The following SMYD3 variants were observed in gnomAD, a reference collection of about 807,000 sequenced individuals.
The protein encoded by SMYD3 is SET and MYND domain containing 3.
A neutral mutation model predicts 57.7 loss-of-function variants in SMYD3; 36 were observed. The ratio of observed to expected loss-of-function variants is 0.62; its 90% CI spans 0.48 to 0.82. The LOEUF (loss-of-function observed/expected upper bound fraction) is 0.82. SMYD3 is among the 40% of genes least tolerant of loss of function. The pLI, the probability that SMYD3 is intolerant of heterozygous loss-of-function variation, is 0.00. For missense variants in SMYD3, 515 were observed against 538.8 expected, an observed-to-expected ratio of 0.96 and a Z score of 0.44; for synonymous variants, 211 against 195.0, an observed-to-expected ratio of 1.08 and a Z score of -0.68.
intron 5 of SMYD3, among the ~76,000 whole-genome samples, chr1:246,227,627 G>A (rs1216768841): frequency 2.0e-5 from 3 of 151,772 alleles, no homozygotes; most frequent in Non-Finnish European, 2.9e-5. Flanking sequence ...AAAAAAAGAA[G>A]AGAAGAAAGA....
chr1:245,857,753 C>T (rs2051325385), intron 10 of SMYD3, among the ~76,000 whole-genome samples: 1 of 152,178 alleles, frequency 6.6e-6, no homozygotes, highest in African/African-American at 2.4e-5. Context: ...TGCTCTCCGT[C>T]TCACCTTCTA....
At chr1:246,500,541 G>A (rs752724825) in intron 1 of SMYD3, among the ~76,000 whole-genome samples, 5 of 152,138 alleles carry the variant, frequency 3.3e-5, no homozygotes, top group African/African-American at 9.7e-5. Flanking sequence ...ATAATAACCC[G>A]ACACAAGGTG....
intron 10 of SMYD3, among the ~76,000 whole-genome samples, chr1:245,799,485 C>T (rs984721446): frequency 6.6e-6 from 1 of 152,264 alleles, no homozygotes; most frequent in Non-Finnish European, 1.5e-5. Flanking sequence ...TAAATGAACA[C>T]TAAATGGACT....
At chr1:246,137,151 T>C (rs547720970) in intron 5 of SMYD3, among the ~76,000 whole-genome samples, 27 of 152,304 alleles carry the variant, frequency 1.8e-4, no homozygotes, top group African/African-American at 6.3e-4. Context: ...TTCTAAAGTA[T>C]ACAATTCAGT....
Position 245,803,913 on chromosome 1 carries a change from A to G in SMYD3, c.1077-39764T>C, listed in dbSNP as rs1297455374. Among the ~76,000 whole-genome samples, 22 of 73,366 alleles carry G rather than the reference A, an allele frequency of 3.0e-4. 3 individuals are homozygous for G. The South Asian group carries it at 6.6e-3, about 22-fold the overall frequency. 48.1% of individuals were successfully genotyped at this position (73,366 alleles called of 152,430 possible). A position where few individuals can be genotyped will look rare whatever the true frequency, so the allele number is the denominator to read the frequency against. On this transcript the variant is annotated intron_variant, in intron 10 of 11. Coordinates refer to ENST00000490107, the MANE Select transcript of SMYD3 (RefSeq NM_001167740.2). The stretch of plus-strand genomic sequence containing the variant: ...GGACTTTCCAGTTACGTAAGTCAGT[A>G]TTTTTTTTTTTTTTTTTTGAGACAG...
At chr1:246,225,035 G>C (rs2063307919) in intron 5 of SMYD3, among the ~76,000 whole-genome samples, 1 of 144,680 alleles carries the variant, frequency 6.9e-6, no homozygotes, top group South Asian at 2.4e-4. Flanking sequence ...AGCAATCAAG[G>C]CTGGAGATAC....
intron 5 of SMYD3, among the ~76,000 whole-genome samples, chr1:246,074,320 T>TA (rs148230107): frequency 0.12 from 16,697 of 144,144 alleles, 2,128 homozygotes; most frequent in African/African-American, 0.31. Flanking sequence ...GTTTTGCAAA[T>TA]AAAAAAAAAT....
intron 5 of SMYD3, among the ~76,000 whole-genome samples, chr1:246,086,055 T>C (rs1244326905): frequency 1.3e-5 from 2 of 151,596 alleles, no homozygotes; most frequent in East Asian, 1.9e-4. Context: ...AGAATTACCA[T>C]AGGTTGCAAT....
At chr1:246,060,582 A>ATTTTTTTTTTTTTTTTTTTTTTTTTT (rs1558191811) in intron 5 of SMYD3, among the ~76,000 whole-genome samples, 4 of 152,294 alleles carry the variant, frequency 2.6e-5, no homozygotes, top group African/African-American at 9.6e-5. Flanking sequence ...CATTTTAATA[A>ATTTTTTTTTTTTTTTTTTTTTTTTTT]ATTTTTATGA....
intron 8 of SMYD3, among the ~76,000 whole-genome samples, chr1:245,889,149 CAT>C (rs1192671015): frequency 6.6e-6 from 1 of 152,170 alleles, no homozygotes. Flanking sequence ...TAAGGTCAAA[CAT>C]GTCATGTTTT....
At chr1:246,086,548 C>A (rs2147865268) in intron 5 of SMYD3, among the ~76,000 whole-genome samples, 1 of 149,122 alleles carries the variant, frequency 6.7e-6, no homozygotes, top group South Asian at 2.1e-4. Flanking sequence ...TTACTAAGTA[C>A]TTGATGCTTT....
In SMYD3 at chr1:246,305,748, G is replaced by T. The variant is rs193046214; in HGVS notation, c.531+21453C>A. 2.0e-5 allele frequency among the ~76,000 whole-genome samples: 3 copies of T among 152,224 alleles called. No homozygotes were observed. The East Asian group carries it at 5.8e-4, about 29-fold the overall frequency. Reference sequence around the variant, plus strand: ...TGAAGGAATAAAAAAACATTTTAAGGTTCCTTTCTTCAAAAAGTACACAAA... The same window carrying T: ...TGAAGGAATAAAAAAACATTTTAAGTTTCCTTTCTTCAAAAAGTACACAAA... On this transcript the variant is annotated intron_variant, in intron 5 of 11. Transcript: ENST00000490107.
chr1:246,129,035 C>A (rs995944749), intron 5 of SMYD3, among the ~76,000 whole-genome samples: 4 of 152,040 alleles, frequency 2.6e-5, no homozygotes, highest in East Asian at 1.9e-4. Flanking sequence ...AGGGCTCCAG[C>A]GATCTGCGCA....
intron 1 of SMYD3, among the ~76,000 whole-genome samples, chr1:246,459,673 AG>A (rs1256126064): frequency 2.0e-5 from 3 of 152,316 alleles, no homozygotes; most frequent in Non-Finnish European, 4.4e-5. Context: ...AGTCTCAGGT[AG>A]TTTTTTACAG....
chr1:245,869,908 CTTCTCTGG>C (rs1351271779), intron 8 of SMYD3, among the ~76,000 whole-genome samples: 1 of 152,166 alleles, frequency 6.6e-6, no homozygotes, highest in African/African-American at 2.4e-5. Flanking sequence ...ATCAGGAAAC[CTTCTCTGG>C]TTCTGCCTTC....
intron 5 of SMYD3, among the ~76,000 whole-genome samples, chr1:245,931,734 A>G (rs2056735392): frequency 6.6e-6 from 1 of 152,202 alleles, no homozygotes; most frequent in Non-Finnish European, 1.5e-5. Context: ...AGTGATGACG[A>G]ATTTCTCAAA....
rs373762812 is a variant in SMYD3, at chr1:246,463,531, T to G, written c.164+43523A>C. ...TCAACTAGACAGTTAAATACAAGAG[T>G]GTGGGGCCAGGCACGGTGGCTCACG... On this transcript the variant is annotated intron_variant, in intron 1 of 11. Transcript: ENST00000490107. Among the ~76,000 whole-genome samples, 308 of 151,538 alleles carry G rather than the reference T, an allele frequency of 2.0e-3. 3 individuals are homozygous for G. Among genetic ancestry groups the G allele is most frequent in the African/African-American group, 7.2e-3 (296 of 41,310 alleles).
intron 1 of SMYD3, among the ~76,000 whole-genome samples, chr1:246,462,706 G>C (rs2067820787): frequency 6.6e-6 from 1 of 152,166 alleles, no homozygotes; most frequent in African/African-American, 2.4e-5. Flanking sequence ...ATTTTATGTT[G>C]TAAGAAATCA....
At chr1:246,111,399 A>C (rs913241924) in intron 5 of SMYD3, 6 of 152,224 alleles carry the variant, frequency 3.9e-5, no homozygotes, top group African/African-American at 1.4e-4. Flanking sequence ...CTGAGCAAGC[A>C]GTGGTCCTTT....
Sources: allele counts gnomAD v4.1 joint callset (sites outside exome capture counted in the v4.1 genomes callset), GRCh38; gene constraint gnomAD v4.1.1; transcripts MANE v1.5; gene names NCBI Gene and HGNC (gene_info 2026-07-23, HGNC 2026-07-21).